Variants in NBPF11 observed in about 807,000 individuals in gnomAD.
NBPF11 encodes the protein NBPF family member NBPF11.
NBPF11 carries 72 observed loss-of-function variants against 93.9 expected under a neutral mutation model. The ratio of observed to expected loss-of-function variants is 0.77; its 90% confidence interval spans 0.63 to 0.93. The LOEUF (loss-of-function observed/expected upper bound fraction) is 0.93, where lower values mean the gene tolerates loss of function less well. Among genes scored for constraint, NBPF11 ranks in the 40% least tolerant of loss-of-function variants. NBPF11 has a pLI of 0.00. For synonymous variants in NBPF11, 224 were observed against 304.9 expected (o/e 0.73, Z 2.76); for missense variants, 705 against 802.2 (o/e 0.88, Z 1.46).
intron 19 of NBPF11, among the ~76,000 whole-genome samples, chr1:148,107,426 T>A (rs1184961763): frequency 5.6e-3 from 770 of 136,464 alleles, no homozygotes; most frequent in Admixed American, 9.0e-3. Context: ...CGAACAGTGA[T>A]CATGAAAAGA....
intron 1 of NBPF11, among the ~76,000 whole-genome samples, chr1:148,150,577 G>A (rs1427921258): frequency 6.6e-6 from 1 of 151,678 alleles, no homozygotes; most frequent in Admixed American, 6.6e-5. Flanking sequence ...CAAAAAGAAA[G>A]CTATTAATGC....
At chr1:148,124,872 C>G (rs587633267) in intron 6 of NBPF11, 27 bp downstream of exon 6, 5 of 1,605,238 alleles carry the variant, frequency 3.1e-6, no homozygotes, top group Non-Finnish European at 4.2e-6. Context: ...ACCTACCTGC[C>G]TGTCTCCCCC....
At chr1:148,138,546 G>A (rs1279907175) in intron 2 of NBPF11, among the ~76,000 whole-genome samples, 1 of 151,768 alleles carries the variant, frequency 6.6e-6, no homozygotes, top group Non-Finnish European at 1.5e-5. Context: ...TGAGATTAGG[G>A]AGTGGTGATG....
In NBPF11 at chr1:148,126,109, T is replaced by C. The variant is rs1245011134; in HGVS notation, c.175+720A>G. ...TCTGCCTGCTGGGTTCAAAGGATTC[T>C]CCTGCCTCAGCCTCCCGATTAGTGG... On this transcript the variant is annotated intron_variant, in intron 5 of 23. Transcript: ENST00000682118. Among the ~76,000 whole-genome samples, 120 of 152,080 alleles carry C rather than the reference T, an allele frequency of 7.9e-4. 3 individuals carry two copies. The highest frequency in any genetic ancestry group is 2.7e-3 in the African/African-American group (112 of 41,334).
At chr1:148,146,211 G>A (rs1273949598) in intron 1 of NBPF11, among the ~76,000 whole-genome samples, 13 of 151,714 alleles carry the variant, frequency 8.6e-5, no homozygotes, top group African/African-American at 3.1e-4. Flanking sequence ...CCTGGGGCTC[G>A]GCTTGGACCG....
rs1371249675 is a variant in NBPF11 at position 148,102,683 on chromosome 1, A to G, written c.*1213T>C. 1 of 151,178 alleles carries G rather than the reference A, an allele frequency of 6.6e-6. No homozygotes were observed. The highest frequency in any genetic ancestry group is 1.5e-5 in the Non-Finnish European group (1 of 67,966). 9.4% of individuals were successfully genotyped at this position (151,178 alleles called of 1,614,324 possible). A position where few individuals can be genotyped will look rare whatever the true frequency, so the allele number is the denominator to read the frequency against. On this transcript the variant is annotated 3_prime_UTR_variant, in exon 24 of 24. Coordinates refer to ENST00000682118, the MANE Select transcript of NBPF11 (RefSeq NM_001385469.3). Reference sequence around the variant, plus strand: ...TGACCTGTCCTCTATAAACAAGTCCATGTCACCACCATCCATGACAACAAC... The same window carrying G: ...TGACCTGTCCTCTATAAACAAGTCCGTGTCACCACCATCCATGACAACAAC...
intron 4 of NBPF11, among the ~76,000 whole-genome samples, chr1:148,128,812 CAA>C (rs1669669098): frequency 6.6e-6 from 1 of 151,114 alleles, no homozygotes; most frequent in South Asian, 2.1e-4. Context: ...TTTAAAACAA[CAA>C]ATATTATTTC....
chr1:148,122,281 G>A lies in NBPF11; in HGVS notation c.567-15C>T, dbSNP rs1668048553. On this transcript the variant is annotated splice_polypyrimidine_tract_variant and intron_variant, in intron 8 of 23. Transcript: ENST00000682118. ...TCTGCACCTCCCTGATGAGCCAGGT[G>A]GGACAGAGATGACAGAAGATTAAAC... The A allele has an allele frequency of 1.2e-6, 2 of 1,609,712 alleles. No individual in the cohort carries two copies. Among genetic ancestry groups the A allele is most frequent in the Non-Finnish European group, 1.7e-6 (2 of 1,177,888 alleles).
chr1:148,122,609 C>T, intron 8 of NBPF11, 120 bp downstream of exon 8: 1 of 1,440,188 alleles, frequency 6.9e-7, no homozygotes, highest in Non-Finnish European at 9.8e-7. Flanking sequence ...GGTTGAATTT[C>T]ACATACTGTG....
At chr1:148,114,225 T>A (rs1665944319) in intron 15 of NBPF11, among the ~76,000 whole-genome samples, 1 of 151,100 alleles carries the variant, frequency 6.6e-6, no homozygotes, top group African/African-American at 2.4e-5. Flanking sequence ...CTAGTTCACC[T>A]GGCTCATCTG....
chr1:148,125,598 G>C (rs1668927939), intron 5 of NBPF11, among the ~76,000 whole-genome samples: 1 of 152,034 alleles, frequency 6.6e-6, no homozygotes, highest in African/African-American at 2.4e-5. Flanking sequence ...TTAAGATTTA[G>C]ATTAGTTGTG....
intron 15 of NBPF11, among the ~76,000 whole-genome samples, chr1:148,111,709 G>C (rs1370815527): frequency 2.0e-5 from 3 of 151,732 alleles, no homozygotes; most frequent in African/African-American, 7.3e-5. Context: ...AGAGAAAAAA[G>C]AGTAAAAAGA....
In NBPF11 at chr1:148,124,033, C is replaced by G. The variant is rs1264057332; in HGVS notation, c.313G>C (p.Glu105Gln). The G allele has an allele frequency of 4.4e-6, 7 of 1,581,996 alleles. No homozygotes were observed. Among genetic ancestry groups the G allele is most frequent in the Non-Finnish European group, 6.1e-6 (7 of 1,153,000 alleles). ...AACTTCTCCCTTAACTGGGTCAGCT[C>G]TCGTTCCTGAGAGTGAACCAGGACT... is the stretch of plus-strand genomic sequence containing the variant. Reference protein sequence around the residue: ...YKVLVHSQERELTQLREKLRE... With the variant: ...YKVLVHSQERQLTQLREKLRE... Residue 105 changes from glutamate (E) to glutamine (Q), a missense_variant, in exon 7 of 24, where the codon GAG becomes CAG. Physicochemically the swap from Glu to Gln is conservative, Grantham distance 29 (BLOSUM62 2). Transcript: ENST00000682118.
intron 3 of NBPF11, among the ~76,000 whole-genome samples, chr1:148,137,000 G>A (rs1276841089): frequency 6.6e-6 from 1 of 151,830 alleles, no homozygotes; most frequent in African/African-American, 2.4e-5. Flanking sequence ...CTTTGCAGAT[G>A]GGGGAATGTG....
Position 148,108,531 on chromosome 1 carries a change from G to T in NBPF11, c.1977C>A (p.Ala659=), listed in dbSNP as rs1463418402. Residue 659 remains alanine, a synonymous_variant, in exon 18 of 24, where the codon GCC becomes GCA. Coordinates refer to ENST00000682118, the MANE Select transcript of NBPF11 (RefSeq NM_001385469.3). ...TACGCTGTTGCTCCAATACGTAAAA[G>T]GCACTTCTGTAGGGCTGGCATGAGT... ...LTDSCQPYRS[A]FYVLEQQRIG... 5.6e-6 allele frequency: 9 copies of T among 1,601,824 alleles called. No homozygotes were observed. In the African/African-American group the frequency reaches 6.8e-5, roughly 12 times the overall value.
intron 13 of NBPF11, 105 bp from the exon 14 acceptor site, chr1:148,116,103 C>T (rs1666466410): frequency 1.1e-6 from 1 of 882,072 alleles, no homozygotes; most frequent in African/African-American, 1.7e-5. Flanking sequence ...AGAGTGGTCC[C>T]AGAAAGCAAA....
chr1:148,149,575 C>T, intron 1 of NBPF11: 1 of 1,593,884 alleles, frequency 6.3e-7, no homozygotes, highest in Non-Finnish European at 8.5e-7. Flanking sequence ...AGCGGCGGCC[C>T]CAACCAGCCG....
chr1:148,148,060 G>T (rs1353013021), intron 1 of NBPF11, among the ~76,000 whole-genome samples: 1 of 152,198 alleles, frequency 6.6e-6, no homozygotes, highest in African/African-American at 2.4e-5. Flanking sequence ...GCCTGTAGCA[G>T]GTGGCAGGGC....
At chr1:148,106,678 C>T (rs1387431585) in intron 20 of NBPF11, among the ~76,000 whole-genome samples, 3 of 147,934 alleles carry the variant, frequency 2.0e-5, no homozygotes, top group Non-Finnish European at 4.4e-5. Context: ...GAATTTTTTA[C>T]ATCTGCCTGG....
Sources: allele counts gnomAD v4.1 joint callset (sites outside exome capture counted in the v4.1 genomes callset), GRCh38; gene constraint gnomAD v4.1.1; transcripts MANE v1.5; gene names NCBI Gene and HGNC (gene_info 2026-07-23, HGNC 2026-07-21).